Variants in HELQ observed in about 807,000 individuals in gnomAD.
HELQ encodes helicase POLQ-like.
Under a neutral mutation model 111.6 loss-of-function variants are expected in HELQ, and 77 were observed. That is an observed-to-expected ratio of 0.69 (90% CI 0.57 to 0.83). The LOEUF (loss-of-function observed/expected upper bound fraction) is 0.83. HELQ is among the 40% of genes least tolerant of loss of function. The pLI, the probability that HELQ is intolerant of heterozygous loss-of-function variation, is 0.00. For missense variants in HELQ, 1,200 were observed against 1,288.5 expected (o/e 0.93, Z 1.05); for synonymous variants, 438 against 454.7 (o/e 0.96, Z 0.47).
Position 83,407,403 on chromosome 4 carries a change from C to A in HELQ, c.*50G>T. The stretch of plus-strand genomic sequence containing the variant: ...ATAAAGTATAAGTTATCTTTAATAA[C>A]ACACATGTACAATAAATAATTCATA... On this transcript the variant is annotated 3_prime_UTR_variant, in exon 18 of 18. Coordinates refer to ENST00000295488, the MANE Select transcript of HELQ (RefSeq NM_133636.5). The A allele has an allele frequency of 8.9e-7, 1 of 1,118,754 alleles. No individual in the cohort carries two copies. Among genetic ancestry groups the A allele is most frequent in the Non-Finnish European group, 1.3e-6 (1 of 772,916 alleles). The allele number at this position is 1,118,754 out of a possible 1,614,324, so 69.3% of individuals were successfully genotyped here. A position where few individuals can be genotyped will look rare whatever the true frequency, so the allele number is the denominator to read the frequency against.
chr4:83,431,349 G>C (rs991993599), intron 11 of HELQ, among the ~76,000 whole-genome samples: 20 of 151,658 alleles, frequency 1.3e-4, no homozygotes, highest in Admixed American at 8.5e-4. Flanking sequence ...TTTGAGATGG[G>C]GTCTTGCTAT....
chr4:83,437,186 A>C (rs1720505234), intron 8 of HELQ, 89 bp from the exon 9 acceptor site: 2 of 1,228,272 alleles, frequency 1.6e-6, no homozygotes, highest in Admixed American at 2.2e-5. Context: ...GCTAATGTAA[A>C]CATTCTTTAA....
rs1158497332 is a variant in HELQ at position 83,455,514 on chromosome 4, C to T, written c.180G>A (p.Pro60=). The change falls in exon 1 of 18, where the codon CCG becomes CCA. Residue 60 remains proline, a synonymous_variant. Transcript: ENST00000295488. ...NRRRKTAGVL[P]VEVQPLLLSD... ...AGAGTAGAAGGGGCTGTACCTCAAC[C>T]GGCAGTACGCCCGCGGTTTTCCGCC... The T allele has an allele frequency of 3.1e-6, 5 of 1,614,164 alleles. No individual in the cohort carries two copies. The highest frequency in any genetic ancestry group is 4.2e-6 in the Non-Finnish European group (5 of 1,180,034).
chr4:83,432,533 T>C (rs1339762557), intron 9 of HELQ, among the ~76,000 whole-genome samples: 1 of 152,072 alleles, frequency 6.6e-6, no homozygotes, highest in Non-Finnish European at 1.5e-5. Context: ...TATCCTAAAC[T>C]AAAAAATTAG....
intron 17 of HELQ, among the ~76,000 whole-genome samples, chr4:83,410,910 G>C (rs766108715): frequency 6.6e-6 from 1 of 151,816 alleles, no homozygotes; most frequent in Admixed American, 6.6e-5. Flanking sequence ...CAGCACTTTG[G>C]GAGGCCAAGG....
intron 16 of HELQ, among the ~76,000 whole-genome samples, chr4:83,417,166 G>C (rs1739406089): frequency 6.6e-6 from 1 of 151,360 alleles, no homozygotes; most frequent in South Asian, 2.1e-4. Context: ...AAATGTTCTA[G>C]TCCAGTATCT....
intron 5 of HELQ, among the ~76,000 whole-genome samples, chr4:83,445,422 T>C (rs756473221): frequency 9.2e-5 from 14 of 152,222 alleles, no homozygotes; most frequent in African/African-American, 2.7e-4. Flanking sequence ...ATTTGACCTT[T>C]ATAGTTAATT....
In HELQ at chr4:83,418,210, T is replaced by C. The variant is rs766670562; in HGVS notation, c.2950-4A>G. 1.3e-6 allele frequency: 2 copies of C among 1,496,384 alleles called. No homozygotes were observed. The highest frequency in any genetic ancestry group is 2.3e-5 in the East Asian group (1 of 43,802). The allele number at this position is 1,496,384 out of a possible 1,614,324, so 92.7% of individuals were successfully genotyped here. On this transcript the variant is annotated splice_polypyrimidine_tract_variant and splice_region_variant and intron_variant, in intron 15 of 17. Coordinates refer to ENST00000295488, the MANE Select transcript of HELQ (RefSeq NM_133636.5). ...AAACCCAAAACTCCTCAAGCTCCTG[T>C]AGAACACAAAGAAATATATAAAATT...
At chr4:83,439,535 A>AT (rs1178248845) in intron 8 of HELQ, among the ~76,000 whole-genome samples, 2 of 151,106 alleles carry the variant, frequency 1.3e-5, no homozygotes, top group African/African-American at 2.4e-5. Context: ...AATTTTTTGT[A>AT]TTTTTAGTAG....
At chr4:83,435,458 C>T (rs529511066) in intron 9 of HELQ, among the ~76,000 whole-genome samples, 1 of 152,094 alleles carries the variant, frequency 6.6e-6, no homozygotes. Flanking sequence ...AATTCTTTTG[C>T]TAGTGAAGTG....
intron 11 of HELQ, among the ~76,000 whole-genome samples, 167 bp downstream of exon 11, chr4:83,431,497 A>G (rs1424121623): frequency 6.6e-6 from 1 of 152,012 alleles, no homozygotes; most frequent in African/African-American, 2.4e-5. Context: ...TTAATCACTG[A>G]AGGGGATGAG....
At chr4:83,415,536 G>A (rs1164209425) in intron 17 of HELQ, among the ~76,000 whole-genome samples, 1 of 152,184 alleles carries the variant, frequency 6.6e-6, no homozygotes, top group East Asian at 1.9e-4. Context: ...GAGACCAGAT[G>A]CTGGGATGCT....
At chr4:83,443,640 A>G (rs1190381074) in intron 5 of HELQ, 26 bp from the exon 6 acceptor site, 1 of 1,047,696 alleles carries the variant, frequency 9.5e-7, no homozygotes, top group African/African-American at 1.6e-5. Flanking sequence ...ACAAAAGCCA[A>G]AGTGTTAAGG....
chr4:83,414,235 A>T (rs1739249474), intron 17 of HELQ, among the ~76,000 whole-genome samples: 1 of 152,124 alleles, frequency 6.6e-6, no homozygotes, highest in African/African-American at 2.4e-5. Flanking sequence ...TCAACAGTAC[A>T]TTGTAGGCAG....
chr4:83,450,022 GGTA>G (rs1317757759), intron 2 of HELQ, among the ~76,000 whole-genome samples: 1 of 151,556 alleles, frequency 6.6e-6, no homozygotes, highest in Admixed American at 6.6e-5. Context: ...CCTTTGATCT[GGTA>G]GTATTACTTT....
chr4:83,412,977 T>C (rs558486208), intron 17 of HELQ, among the ~76,000 whole-genome samples: 1 of 152,330 alleles, frequency 6.6e-6, no homozygotes, highest in Admixed American at 6.5e-5. Flanking sequence ...TCATACCCTT[T>C]CTGTCCAGTC....
chr4:83,409,063 A>C (rs1738949855), intron 17 of HELQ, among the ~76,000 whole-genome samples: 1 of 152,152 alleles, frequency 6.6e-6, no homozygotes, highest in African/African-American at 2.4e-5. Context: ...GTAGGGCAAA[A>C]GGAAATTAAA....
chr4:83,451,127 A>G (rs1721340972), intron 2 of HELQ, among the ~76,000 whole-genome samples: 2 of 152,216 alleles, frequency 1.3e-5, no homozygotes, highest in Non-Finnish European at 2.9e-5. Flanking sequence ...TTAGAGGTAA[A>G]AAGATTTAAA....
At position 83,455,418 on chromosome 4, in the gene HELQ, A is replaced by T; in HGVS notation, c.276T>A (p.Thr92=). The change falls in exon 1 of 18, where the codon ACT becomes ACA. Residue 92 remains threonine, a synonymous_variant. Transcript: ENST00000295488. ...GTACCTGGTCTCCCACCCCTCTGTC[A>T]GTGGGCATGTGACGTAGGAGGTCCG... ...TNPDLLRHMP[T]DRGVGDQPND... 1 of 1,613,690 alleles carries T rather than the reference A, an allele frequency of 6.2e-7. No homozygotes were observed. Among genetic ancestry groups the T allele is most frequent in the Middle Eastern group, 1.7e-4 (1 of 6,060 alleles).
Sources: allele counts gnomAD v4.1 joint callset (sites outside exome capture counted in the v4.1 genomes callset), GRCh38; gene constraint gnomAD v4.1.1; transcripts MANE v1.5; gene names NCBI Gene and HGNC (gene_info 2026-07-23, HGNC 2026-07-21).